ACACA: variants seen among roughly 807,000 people sequenced by gnomAD.
ACACA encodes the protein acetyl-CoA carboxylase 1.
Under a neutral mutation model 296.1 loss-of-function variants are expected in ACACA, and 103 were observed. The ratio of observed to expected loss-of-function variants is 0.35; its 90% CI spans 0.30 to 0.41. The LOEUF is 0.41. Ranked by LOEUF, ACACA falls within the 10% of genes least tolerant of loss-of-function variation. The pLI is 1.00. For missense variants in ACACA, 1,554 were observed against 2,989.7 expected (o/e 0.52, Z 11.20); for synonymous variants, 953 against 1,038.6 (o/e 0.92, Z 1.58).
chr17:37,239,701 A>T (rs888733934), intron 24 of ACACA, among the ~76,000 whole-genome samples: 1 of 152,124 alleles, frequency 6.6e-6, no homozygotes, highest in African/African-American at 2.4e-5. Context: ...AAACTGATCA[A>T]CCTTGAATGC....
Position 37,194,545 on chromosome 17 carries a change from C to A in ACACA, c.4159-1130G>T, listed in dbSNP as rs145632149. ...CTGATCTCTCAAGGGCAGAGTATTACCTTTCTCTTTTTATTATAATCTAAA... is the reference window on the plus strand; with the variant it reads ...CTGATCTCTCAAGGGCAGAGTATTAACTTTCTCTTTTTATTATAATCTAAA... On this transcript the variant is annotated intron_variant, in intron 35 of 55. Transcript: ENST00000616317. Among the ~76,000 whole-genome samples, 750 of 152,182 alleles carry A rather than the reference C, an allele frequency of 4.9e-3. 6 individuals are homozygous for A. Among genetic ancestry groups the A allele is most frequent in the African/African-American group, 0.017 (718 of 41,526 alleles).
intron 30 of ACACA, among the ~76,000 whole-genome samples, chr17:37,209,333 C>T (rs540889645): frequency 6.6e-6 from 1 of 152,310 alleles, no homozygotes; most frequent in Non-Finnish European, 1.5e-5. Context: ...ATCTTTTCTA[C>T]TTGCTTGGCA....
intron 3 of ACACA, among the ~76,000 whole-genome samples, chr17:37,316,832 G>C (rs921310156): frequency 6.6e-6 from 1 of 152,162 alleles, no homozygotes; most frequent in Non-Finnish European, 1.5e-5. Context: ...CAGCACTTTG[G>C]GAGGCCGAGG....
intron 23 of ACACA, among the ~76,000 whole-genome samples, chr17:37,240,910 A>C (rs1359862779): frequency 6.6e-6 from 1 of 152,168 alleles, no homozygotes; most frequent in Non-Finnish European, 1.5e-5. Context: ...GTGTTCTGTG[A>C]GGCCGGTTGC....
At chr17:37,137,319 G>C (rs897642489) in intron 45 of ACACA, among the ~76,000 whole-genome samples, 4 of 152,116 alleles carry the variant, frequency 2.6e-5, no homozygotes, top group Admixed American at 1.3e-4. Context: ...GTGTTTGCAG[G>C]GCCTCGCTCT....
At chr17:37,328,079 C>T (rs1376364943) in intron 3 of ACACA, among the ~76,000 whole-genome samples, 1 of 152,198 alleles carries the variant, frequency 6.6e-6, no homozygotes, top group Non-Finnish European at 1.5e-5. Context: ...AGAGATAATG[C>T]TTTGTTCACT....
chr17:37,178,172 G>A (rs1350853651), intron 41 of ACACA, among the ~76,000 whole-genome samples: 1 of 152,134 alleles, frequency 6.6e-6, no homozygotes, highest in Admixed American at 6.5e-5. Context: ...TACATTAGGA[G>A]CACAGTTAAA....
chr17:37,343,435 A>G (rs1671509944), intron 1 of ACACA, among the ~76,000 whole-genome samples: 1 of 152,148 alleles, frequency 6.6e-6, no homozygotes, highest in South Asian at 2.1e-4. Context: ...CTTTTACAAC[A>G]TGTCCTTGCC....
Position 37,130,184 on chromosome 17 carries a change from T to C in ACACA, c.5714A>G (p.Gln1905Arg). 1 of 1,614,146 alleles carries C rather than the reference T, an allele frequency of 6.2e-7. No individual in the cohort carries two copies. The highest frequency in any genetic ancestry group is 8.5e-7 in the Non-Finnish European group (1 of 1,180,006). The change falls in exon 46 of 56, where the codon CAG (glutamine) becomes CGG (arginine). Residue 1905 changes from glutamine (Q) to arginine (R), a missense_variant. Coordinates refer to ENST00000616317, the MANE Select transcript of ACACA (RefSeq NM_198834.3). ...GTGCATAATCTGGATGCCCCCCAGC[T>C]GGTTATTGGAGGTGTACACTTCCCG... The part of the protein sequence containing the change: ...LGREVYTSNN[Q>R]LGGIQIMHNN...
chr17:37,177,013 G>T (rs191476572), intron 41 of ACACA, among the ~76,000 whole-genome samples: 1 of 151,962 alleles, frequency 6.6e-6, no homozygotes, highest in African/African-American at 2.4e-5. Context: ...AAGAAAATAG[G>T]CAACTAAGGA....
At chr17:37,186,152 G>T (rs769370926) in intron 39 of ACACA, among the ~76,000 whole-genome samples, 1 of 150,366 alleles carries the variant, frequency 6.7e-6, no homozygotes, top group Non-Finnish European at 1.5e-5. Flanking sequence ...TATAATGAAC[G>T]CAGTAACTAA....
chr17:37,262,221 C>A (rs950489504), intron 11 of ACACA, among the ~76,000 whole-genome samples: 1 of 152,180 alleles, frequency 6.6e-6, no homozygotes, highest in Non-Finnish European at 1.5e-5. Context: ...TTGCTGAGCA[C>A]ATGGTCACCC....
chr17:37,223,859 A>G (rs140842875), intron 27 of ACACA, among the ~76,000 whole-genome samples: 2,622 of 152,354 alleles, frequency 0.017, 40 homozygotes, highest in South Asian at 0.048. Flanking sequence ...GTATGCTAAT[A>G]TAAGTGTTTA....
chr17:37,178,441 G>T (rs1341014327), intron 41 of ACACA, among the ~76,000 whole-genome samples: 1 of 152,112 alleles, frequency 6.6e-6, no homozygotes, highest in Non-Finnish European at 1.5e-5. Flanking sequence ...AGAAGACACT[G>T]AAAAATGCAT....
intron 1 of ACACA, among the ~76,000 whole-genome samples, chr17:37,360,748 AG>A (rs1400438286): frequency 6.6e-6 from 1 of 152,218 alleles, no homozygotes; most frequent in Non-Finnish European, 1.5e-5. Flanking sequence ...TTTACAGAAC[AG>A]GGATTCATAT....
At chr17:37,349,184 C>A (rs573230636) in intron 1 of ACACA, among the ~76,000 whole-genome samples, 1 of 150,440 alleles carries the variant, frequency 6.6e-6, no homozygotes, top group African/African-American at 2.4e-5. Context: ...CCTCAGCCTC[C>A]CAAGTAACTG....
At chr17:37,205,006 A>G (rs2078432421) in intron 33 of ACACA, among the ~76,000 whole-genome samples, 1 of 152,228 alleles carries the variant, frequency 6.6e-6, no homozygotes, top group African/African-American at 2.4e-5. Flanking sequence ...TGTCTCAGGT[A>G]TAAGATAGTA....
At chr17:37,244,529 T>C in intron 21 of ACACA, 59 bp downstream of exon 21, 1 of 1,592,860 alleles carries the variant, frequency 6.3e-7, no homozygotes, top group Non-Finnish European at 8.6e-7. Flanking sequence ...GACTTGGAAC[T>C]ATTTTGGAGA....
chr17:37,112,226 A>G (rs888119394), intron 51 of ACACA, among the ~76,000 whole-genome samples: 35 of 152,150 alleles, frequency 2.3e-4, no homozygotes, highest in African/African-American at 6.8e-4. Context: ...TTTAGTGCAT[A>G]CTAATGATGT....
Sources: gnomAD v4.1 joint callset for allele counts (sites outside exome capture counted in the v4.1 genomes callset) on GRCh38, gnomAD v4.1.1 for gene constraint, MANE v1.5 for transcripts, NCBI Gene and HGNC (gene_info 2026-07-23, HGNC 2026-07-21) for gene names.